Variants in SCHIP1 observed in about 807,000 individuals in gnomAD.
SCHIP1 encodes schwannomin interacting protein 1, also known as schwannomin-interacting protein 1.
In SCHIP1, 8 loss-of-function variants were observed where a neutral mutation model predicts 29.7. The ratio of observed to expected loss-of-function variants is 0.27; its 90% confidence interval spans 0.16 to 0.49. The LOEUF (loss-of-function observed/expected upper bound fraction) is 0.49, where lower values mean the gene tolerates loss of function less well. Ranked by LOEUF, SCHIP1 falls within the 20% of genes least tolerant of loss-of-function variation. SCHIP1 has a pLI of 0.99. For missense variants in SCHIP1, 193 were observed against 294.6 expected, an observed-to-expected ratio of 0.66 and a Z score of 2.52; for synonymous variants, 76 against 94.9, an observed-to-expected ratio of 0.80 and a Z score of 1.16.
chr3:159,596,745 A>G, the SCHIP1 span, among the ~76,000 whole-genome samples: 1 of 151,932 alleles, frequency 6.6e-6, no homozygotes, highest in African/African-American at 2.4e-5. Flanking sequence ...TGGGAACTGA[A>G]CAATGAGAAC....
chr3:159,743,975 A>AC, the SCHIP1 span, among the ~76,000 whole-genome samples: 2 of 152,094 alleles, frequency 1.3e-5, no homozygotes, highest in Admixed American at 1.3e-4. Flanking sequence ...AAGAAGAAGC[A>AC]CCCCCCAAAT....
chr3:159,348,533 C>T, the SCHIP1 span, among the ~76,000 whole-genome samples: 1 of 152,070 alleles, frequency 6.6e-6, no homozygotes, highest in Non-Finnish European at 1.5e-5. Context: ...GATTTCTAAA[C>T]TGTTTAGATC....
At chr3:159,551,459 T>C in the SCHIP1 span, among the ~76,000 whole-genome samples, 1 of 152,104 alleles carries the variant, frequency 6.6e-6, no homozygotes, top group Non-Finnish European at 1.5e-5. Context: ...TTTAGTGCAC[T>C]GAGAAAAAAC....
chr3:159,482,098 AG>A, the SCHIP1 span, among the ~76,000 whole-genome samples: 2 of 152,158 alleles, frequency 1.3e-5, no homozygotes, highest in African/African-American at 4.8e-5. Context: ...TACTGGTGTC[AG>A]GCATTGTGCA....
the SCHIP1 span, among the ~76,000 whole-genome samples, chr3:159,596,913 G>A: frequency 6.9e-3 from 1,054 of 151,676 alleles, 10 homozygotes; most frequent in African/African-American, 0.024. Context: ...AAACCTGCAT[G>A]TTGTGCACAT....
the SCHIP1 span, among the ~76,000 whole-genome samples, chr3:159,483,141 AT>A: frequency 3.3e-5 from 5 of 151,930 alleles, no homozygotes; most frequent in Non-Finnish European, 5.9e-5. Flanking sequence ...GTTTTGGGAG[AT>A]TTTTTTTCTA....
At chr3:159,592,586 C>T in the SCHIP1 span, among the ~76,000 whole-genome samples, 1 of 151,864 alleles carries the variant, frequency 6.6e-6, no homozygotes. Context: ...CCTCTCTGTG[C>T]ATGCCCTCTG....
the SCHIP1 span, among the ~76,000 whole-genome samples, chr3:159,284,332 A>G: frequency 9.2e-5 from 14 of 152,090 alleles, no homozygotes; most frequent in Non-Finnish European, 1.6e-4. Flanking sequence ...TTTGTTTAAA[A>G]TTTCTCTCTG....
At chr3:159,497,123 A>C in the SCHIP1 span, among the ~76,000 whole-genome samples, 940 of 152,074 alleles carry the variant, frequency 6.2e-3, 7 homozygotes, top group African/African-American at 0.021. Flanking sequence ...GGGGAGGGAT[A>C]GCATTAGGAG....
the SCHIP1 span, among the ~76,000 whole-genome samples, chr3:159,685,879 T>C: frequency 1.3e-5 from 2 of 152,212 alleles, no homozygotes; most frequent in African/African-American, 4.8e-5. Context: ...AAAACATCAA[T>C]ATGCCAAAAC....
the SCHIP1 span, among the ~76,000 whole-genome samples, chr3:159,701,930 A>C: frequency 2.8e-4 from 42 of 152,296 alleles, no homozygotes; most frequent in East Asian, 7.9e-3. Context: ...TCTACATTGA[A>C]GTCCAAGCTC....
the SCHIP1 span, among the ~76,000 whole-genome samples, chr3:159,602,278 T>C: frequency 1.3e-3 from 197 of 152,348 alleles, no homozygotes; most frequent in African/African-American, 4.5e-3. Flanking sequence ...TGTTGGACTC[T>C]AGTGTTCTCT....
At chr3:159,480,511 C>T in the SCHIP1 span, among the ~76,000 whole-genome samples, 11 of 152,084 alleles carry the variant, frequency 7.2e-5, no homozygotes, top group Admixed American at 7.2e-4. Flanking sequence ...TTTAATCTTA[C>T]CTCTATATAA....
the SCHIP1 span, among the ~76,000 whole-genome samples, chr3:159,726,858 G>T: frequency 6.6e-6 from 1 of 152,296 alleles, no homozygotes; most frequent in African/African-American, 2.4e-5. Flanking sequence ...TCGAAGAGAA[G>T]ATTGTCTAAG....
the SCHIP1 span, among the ~76,000 whole-genome samples, chr3:159,828,815 C>T: frequency 4.0e-3 from 606 of 152,168 alleles, 2 homozygotes; most frequent in African/African-American, 0.013. Flanking sequence ...GCTAAGATAC[C>T]TGGAATGATA....
chr3:159,656,193 G>A, the SCHIP1 span, among the ~76,000 whole-genome samples: 1 of 152,142 alleles, frequency 6.6e-6, no homozygotes, highest in Non-Finnish European at 1.5e-5. Flanking sequence ...GAGTACCTAC[G>A]ATCTGTCAGG....
chr3:159,290,598 A>T, the SCHIP1 span, among the ~76,000 whole-genome samples: 3 of 152,178 alleles, frequency 2.0e-5, no homozygotes, highest in African/African-American at 7.2e-5. Context: ...TGTTTGTGCC[A>T]TAACCACACA....
chr3:159,886,241 G>T, exon 3 of SCHIP1: 2 of 1,614,172 alleles, frequency 1.2e-6, no homozygotes, highest in Non-Finnish European at 1.7e-6. Flanking sequence ...GATATGCTTT[G>T]TCAACGACAG....
At chr3:159,488,490 A>T in the SCHIP1 span, among the ~76,000 whole-genome samples, 4 of 152,162 alleles carry the variant, frequency 2.6e-5, no homozygotes, top group Non-Finnish European at 4.4e-5. Context: ...AATGTGTTTA[A>T]AAAAAGAAAT....
Sources: gnomAD v4.1 joint callset for allele counts (sites outside exome capture counted in the v4.1 genomes callset) on GRCh38, gnomAD v4.1.1 for gene constraint, MANE v1.5 for transcripts, NCBI Gene and HGNC (gene_info 2026-07-23, HGNC 2026-07-21) for gene names.